Variants in VMP1 observed in about 807,000 individuals in gnomAD.
VMP1 encodes the protein ectopic P-granules autophagy protein 3 homolog.
In VMP1, 11 loss-of-function variants were observed where a neutral mutation model predicts 56.0. The observed-to-expected ratio is 0.20, with a 90% confidence interval of 0.12 to 0.32. The LOEUF (loss-of-function observed/expected upper bound fraction) is 0.32. VMP1 is among the 10% of genes least tolerant of loss of function. The pLI is 1.00. For missense variants in VMP1, 296 were observed against 490.3 expected (o/e 0.60, Z 3.74); for synonymous variants, 149 against 165.0 (o/e 0.90, Z 0.74).
At chr17:59,827,634 A>G (rs2038684119) in intron 10 of VMP1, among the ~76,000 whole-genome samples, 1 of 152,040 alleles carries the variant, frequency 6.6e-6, no homozygotes, top group South Asian at 2.1e-4. Context: ...GAACTCAGTG[A>G]GTCTTCAAAC....
chr17:59,779,669 A>G (rs2036750760), intron 7 of VMP1, among the ~76,000 whole-genome samples: 1 of 152,156 alleles, frequency 6.6e-6, no homozygotes, highest in Non-Finnish European at 1.5e-5. Context: ...CTGAGTAACA[A>G]ATCACCCCAA....
intron 6 of VMP1, among the ~76,000 whole-genome samples, chr17:59,767,008 C>T (rs2036257022): frequency 6.6e-6 from 1 of 152,082 alleles, no homozygotes; most frequent in Admixed American, 6.6e-5. Flanking sequence ...TCTCGAACTC[C>T]TGACTTCAGG....
intron 7 of VMP1, among the ~76,000 whole-genome samples, chr17:59,800,768 G>A (rs898272449): frequency 6.6e-5 from 10 of 151,978 alleles, no homozygotes; most frequent in African/African-American, 1.9e-4. Context: ...AACCTATTAC[G>A]CTGCCAGTCA....
At chr17:59,726,850 A>T (rs2034625969) in intron 1 of VMP1, among the ~76,000 whole-genome samples, 1 of 152,172 alleles carries the variant, frequency 6.6e-6, no homozygotes, top group Non-Finnish European at 1.5e-5. Flanking sequence ...ATCTTCACAC[A>T]AGTATGACTT....
intron 9 of VMP1, among the ~76,000 whole-genome samples, chr17:59,814,358 A>T (rs2038157150): frequency 6.6e-6 from 1 of 152,198 alleles, no homozygotes; most frequent in African/African-American, 2.4e-5. Context: ...GGATAGAGGA[A>T]TTACTATACC....
chr17:59,756,803 T>A (rs1489424719), intron 5 of VMP1, among the ~76,000 whole-genome samples: 1 of 152,228 alleles, frequency 6.6e-6, no homozygotes, highest in Non-Finnish European at 1.5e-5. Flanking sequence ...CTTTCGTTTT[T>A]AAAAGATATC....
At chr17:59,736,591 A>G (rs749940174) in intron 3 of VMP1, among the ~76,000 whole-genome samples, 12 of 151,416 alleles carry the variant, frequency 7.9e-5, no homozygotes, top group Non-Finnish European at 1.2e-4. Context: ...TAAAAATACA[A>G]AAATTAGCCG....
chr17:59,820,620 C>T lies in VMP1; in HGVS notation c.974+2847C>T, dbSNP rs531888196. Among the ~76,000 whole-genome samples, 15 of 152,318 alleles carry T rather than the reference C, an allele frequency of 9.8e-5. No individual in the cohort carries two copies. The South Asian group carries it at 3.1e-3, about 32-fold the overall frequency. On this transcript the variant is annotated intron_variant, in intron 10 of 11. Coordinates refer to ENST00000262291, the MANE Select transcript of VMP1 (RefSeq NM_030938.5). Reference sequence around the variant, plus strand: ...TTCACAGCAACGTATACTACATGCACTTATAGTTATATTGTTACACTTATG... The same window carrying T: ...TTCACAGCAACGTATACTACATGCATTTATAGTTATATTGTTACACTTATG...
intron 6 of VMP1, among the ~76,000 whole-genome samples, chr17:59,770,907 T>C (rs1407504820): frequency 6.6e-6 from 1 of 152,176 alleles, no homozygotes. Context: ...TCCCATGGTC[T>C]GAATTTTACT....
At chr17:59,834,876 G>A (rs1393931724) in intron 10 of VMP1, among the ~76,000 whole-genome samples, 1 of 151,288 alleles carries the variant, frequency 6.6e-6, no homozygotes, top group Non-Finnish European at 1.5e-5. Flanking sequence ...CACCTGCCTC[G>A]GCCTCCCAAA....
rs144416763 is a variant in VMP1, at chr17:59,740,071, C to T, written c.414+1124C>T. 2.2e-3 allele frequency among the ~76,000 whole-genome samples: 325 copies of T among 146,196 alleles called. 3 individuals carry two copies. Among genetic ancestry groups the T allele is most frequent in the African/African-American group, 7.8e-3 (305 of 39,088 alleles). On this transcript the variant is annotated intron_variant, in intron 5 of 11. Transcript: ENST00000262291. ...CAACCTGGGCGACAGAGCAAGACTC[C>T]GTCTCAAAAAAAAAAAAAGAAAAAG...
chr17:59,822,107 G>T (rs994828492), intron 10 of VMP1, among the ~76,000 whole-genome samples: 1 of 152,044 alleles, frequency 6.6e-6, no homozygotes, highest in Non-Finnish European at 1.5e-5. Context: ...CTTCCAAAGT[G>T]CTGCGATTAC....
At chr17:59,823,811 A>C (rs2038540383) in intron 10 of VMP1, among the ~76,000 whole-genome samples, 1 of 152,186 alleles carries the variant, frequency 6.6e-6, no homozygotes. Flanking sequence ...AAACTTCAGA[A>C]TGCAGTCTTT....
chr17:59,824,347 G>A (rs571500191), intron 10 of VMP1, among the ~76,000 whole-genome samples: 1 of 151,642 alleles, frequency 6.6e-6, no homozygotes, highest in African/African-American at 2.4e-5. Context: ...CAAGGCAGGT[G>A]TATCACCTGA....
At chr17:59,772,950 C>CTTTTTTTTTTTTCTTTTT (rs2036482314) in intron 6 of VMP1, among the ~76,000 whole-genome samples, 1 of 55,676 alleles carries the variant, frequency 1.8e-5, no homozygotes, top group East Asian at 5.9e-4. Flanking sequence ...CTGGTGAATT[C>CTTTTTTTTTTTTCTTTTT]TTTTTTTTTT....
At chr17:59,784,495 A>T (rs1186473901) in intron 7 of VMP1, among the ~76,000 whole-genome samples, 1 of 152,054 alleles carries the variant, frequency 6.6e-6, no homozygotes, top group Admixed American at 6.6e-5. Flanking sequence ...TGTGTCACTT[A>T]TCACATTCTA....
At chr17:59,717,020 C>T (rs1370307939) in intron 1 of VMP1, among the ~76,000 whole-genome samples, 1 of 151,954 alleles carries the variant, frequency 6.6e-6, no homozygotes, top group Admixed American at 6.6e-5. Flanking sequence ...CGCTCTGTCG[C>T]CCAGGCTGGA....
At chr17:59,757,700 T>C (rs2035894794) in intron 5 of VMP1, among the ~76,000 whole-genome samples, 1 of 152,016 alleles carries the variant, frequency 6.6e-6, no homozygotes, top group Non-Finnish European at 1.5e-5. Context: ...TTGGAAAATA[T>C]AATGTAATAC....
chr17:59,732,254 G>T (rs2034852638), intron 2 of VMP1, among the ~76,000 whole-genome samples: 1 of 152,084 alleles, frequency 6.6e-6, no homozygotes, highest in Non-Finnish European at 1.5e-5. Flanking sequence ...TTGTTTGTTT[G>T]TTTGCTTTTT....
Sources: gnomAD v4.1 joint callset for allele counts (sites outside exome capture counted in the v4.1 genomes callset) on GRCh38, gnomAD v4.1.1 for gene constraint, MANE v1.5 for transcripts, NCBI Gene and HGNC (gene_info 2026-07-23, HGNC 2026-07-21) for gene names.